The following CCDC77 variants were observed in gnomAD, a reference collection of about 807,000 sequenced individuals.
CCDC77 encodes coiled-coil domain-containing protein 77.
A neutral mutation model predicts 66.8 loss-of-function variants in CCDC77; 56 were observed. The observed-to-expected ratio is 0.84, with a 90% CI of 0.68 to 1.05. CCDC77 has a LOEUF of 1.05. CCDC77 is among the 50% of genes least tolerant of loss of function. The pLI is 0.00. For synonymous variants in CCDC77, 196 were observed against 195.2 expected, an observed-to-expected ratio of 1.00 and a Z score of -0.03; for missense variants, 570 against 576.8, an observed-to-expected ratio of 0.99 and a Z score of 0.12.
chr12:418,673 T>A (rs755894606), intron 5 of CCDC77, 37 bp downstream of exon 5: 2 of 1,588,534 alleles, frequency 1.3e-6, no homozygotes, highest in East Asian at 4.5e-5. Context: ...GGAGTTTAAC[T>A]TTAAATTACA....
chr12:412,820 T>C (rs1327066190), intron 4 of CCDC77, among the ~76,000 whole-genome samples: 1 of 152,106 alleles, frequency 6.6e-6, no homozygotes, highest in African/African-American at 2.4e-5. Context: ...TGCCATACCC[T>C]CACCTCTAGC....
upstream of CCDC77, chr12:401,450 G>A (rs1305693096): frequency 2.0e-5 from 3 of 152,276 alleles, no homozygotes; most frequent in African/African-American, 7.2e-5. Context: ...CAGAGCTCCA[G>A]GCAGAAGAAA....
At chr12:402,826 C>T (rs1944922748) in intron 1 of CCDC77, among the ~76,000 whole-genome samples, 2 of 152,246 alleles carry the variant, frequency 1.3e-5, no homozygotes, top group Middle Eastern at 3.4e-3. Context: ...TATGGTTAGA[C>T]AGGAGGTTCA....
chr12:422,586 T>C (rs575006038), intron 5 of CCDC77, among the ~76,000 whole-genome samples: 2 of 152,390 alleles, frequency 1.3e-5, no homozygotes, highest in Non-Finnish European at 2.9e-5. Context: ...TGTTGTAGCA[T>C]GTGTCAGAAT....
intron 10 of CCDC77, 179 bp downstream of exon 10, chr12:438,733 T>G (rs1436534525): frequency 1.8e-6 from 1 of 542,626 alleles, no homozygotes; most frequent in Non-Finnish European, 3.3e-6. Context: ...ATTCAAAATA[T>G]TAGACTTGTT....
intron 4 of CCDC77, among the ~76,000 whole-genome samples, chr12:414,874 C>CTT (rs373870757): frequency 6.6e-6 from 1 of 152,178 alleles, no homozygotes; most frequent in African/African-American, 2.4e-5. Context: ...CGGTGTCCTC[C>CTT]TTGCCAGTAC....
chr12:427,883 T>A (rs1472048160), intron 5 of CCDC77, among the ~76,000 whole-genome samples: 1 of 152,156 alleles, frequency 6.6e-6, no homozygotes, highest in African/African-American at 2.4e-5. Flanking sequence ...GCAGGAATTT[T>A]ATTGGGAAGT....
At chr12:414,095 C>CA (rs1555144145) in intron 4 of CCDC77, among the ~76,000 whole-genome samples, 2 of 137,946 alleles carry the variant, frequency 1.4e-5, no homozygotes, top group Non-Finnish European at 3.2e-5. Context: ...TCTTGATTTC[C>CA]TTTTTTTTTT....
rs367727940 is a variant in CCDC77, at chr12:436,831, G to GT, written c.822-1503dup. On this transcript the variant is annotated intron_variant, in intron 9 of 12. Transcript: ENST00000239830. ...AGGGCCGTTAATGACTGCCCTTTGG[G>GT]TATCACTTTCAAGCTACTTGTATTT... 2.0e-4 allele frequency: 164 copies of GT among 811,814 alleles called. No individual in the cohort carries two copies. The African/African-American group carries it at 2.7e-3, about 13-fold the overall frequency. 50.3% of individuals were successfully genotyped at this position (811,814 alleles called of 1,614,324 possible).
chr12:398,465 A>G (rs954099120), upstream of CCDC77, among the ~76,000 whole-genome samples: 1 of 151,738 alleles, frequency 6.6e-6, no homozygotes. Flanking sequence ...TTTGAGACAG[A>G]ATCTTGCTCT....
At chr12:435,586 T>G (rs1017568670) in intron 9 of CCDC77, among the ~76,000 whole-genome samples, 1 of 152,238 alleles carries the variant, frequency 6.6e-6, no homozygotes. Context: ...GAACTTGTGT[T>G]AACTTGTCAG....
intron 8 of CCDC77, 81 bp downstream of exon 8, chr12:432,035 A>T: frequency 1.3e-6 from 1 of 796,170 alleles, no homozygotes; most frequent in Admixed American, 2.2e-5. Flanking sequence ...GTGTCATGTG[A>T]TAAGTATCTC....
chr12:425,670 C>A (rs562865369), intron 5 of CCDC77, among the ~76,000 whole-genome samples: 2 of 152,122 alleles, frequency 1.3e-5, no homozygotes, highest in South Asian at 4.2e-4. Flanking sequence ...TCCTGGGATA[C>A]CTGGATCACA....
At chr12:427,475 AT>A (rs71045060) in intron 5 of CCDC77, among the ~76,000 whole-genome samples, 41,769 of 127,382 alleles carry the variant, frequency 0.33, 6,081 homozygotes, top group Non-Finnish European at 0.42. Context: ...TAATTAATTA[AT>A]TTTTTTTTTT....
chr12:411,930 G>C lies in CCDC77; in HGVS notation c.222G>C (p.Glu74Asp). Reference protein sequence around the residue: ...KKMAECEAENEDLLKKLELYK... With the variant: ...KKMAECEAENDDLLKKLELYK... ...TGGCTGAGTGTGAGGCAGAAAATGAGGACTTGCTGAAGAAACTGGAACTCT... is the reference window on the plus strand; with the variant it reads ...TGGCTGAGTGTGAGGCAGAAAATGACGACTTGCTGAAGAAACTGGAACTCT... Residue 74 changes from glutamate to aspartate, a missense_variant, in exon 4 of 13, where the codon GAG becomes GAC. Glu to Asp is a conservative substitution (Grantham distance 45). Coordinates refer to ENST00000239830, the MANE Select transcript of CCDC77 (RefSeq NM_032358.4). The C allele has an allele frequency of 6.2e-7, 1 of 1,613,990 alleles. No individual in the cohort carries two copies.
upstream of CCDC77, among the ~76,000 whole-genome samples, chr12:398,520 ACCT>A (rs1944857615): frequency 6.6e-6 from 1 of 151,458 alleles, no homozygotes; most frequent in Admixed American, 6.6e-5. Flanking sequence ...GCTCACTGCA[ACCT>A]CTGCCTCCCG....
chr12:423,644 G>A (rs539927424), intron 5 of CCDC77, among the ~76,000 whole-genome samples: 17 of 151,206 alleles, frequency 1.1e-4, no homozygotes, highest in South Asian at 2.1e-4. Context: ...CCATGGGTGC[G>A]CACCACTGTG....
intron 7 of CCDC77, among the ~76,000 whole-genome samples, chr12:431,209 G>C (rs969546171): frequency 1.3e-4 from 9 of 71,236 alleles, no homozygotes; most frequent in Admixed American, 1.9e-4. Flanking sequence ...ATTTTGCTCA[G>C]TTCTTTTTTT....
intron 1 of CCDC77, among the ~76,000 whole-genome samples, chr12:396,246 G>T (rs1034428351): frequency 3.7e-4 from 57 of 152,168 alleles, no homozygotes; most frequent in Admixed American, 2.1e-3. Flanking sequence ...ACAAAAATTA[G>T]CCAGGTGTGG....
Sources: allele counts gnomAD v4.1 joint callset (sites outside exome capture counted in the v4.1 genomes callset), GRCh38; gene constraint gnomAD v4.1.1; transcripts MANE v1.5; gene names NCBI Gene and HGNC (gene_info 2026-07-23, HGNC 2026-07-21).